The following DNAH14 variants were observed in gnomAD, a reference collection of about 807,000 sequenced individuals.
The protein encoded by DNAH14 is dynein axonemal heavy chain 14, also known as axonemal beta dynein heavy chain 14.
In DNAH14, 478 loss-of-function variants were observed where a neutral mutation model predicts 520.9. The ratio of observed to expected loss-of-function variants is 0.92; its 90% confidence interval spans 0.85 to 0.99. The LOEUF (loss-of-function observed/expected upper bound fraction) is 0.99. DNAH14 is among the 50% of genes least tolerant of loss of function. DNAH14 has a pLI of 0.00. For synonymous variants in DNAH14, 1,581 were observed against 1,757.2 expected (o/e 0.90, Z 2.51); for missense variants, 4,831 against 5,234.5 (o/e 0.92, Z 2.38).
intron 84 of DNAH14, among the ~76,000 whole-genome samples, chr1:225,393,806 CTTTTTTTGTTT>C (rs1043885600): frequency 2.5e-5 from 3 of 120,930 alleles, no homozygotes; most frequent in African/African-American, 8.3e-5. Context: ...AGTGATATAT[CTTTTTTTGTTT>C]TTTTTTTGTT....
chr1:225,029,186 A>G (rs907860623), intron 11 of DNAH14, among the ~76,000 whole-genome samples: 2 of 152,022 alleles, frequency 1.3e-5, no homozygotes, highest in African/African-American at 4.8e-5. Flanking sequence ...ACTATATATT[A>G]TATGATTCCA....
chr1:225,062,061 G>A (rs1166424551), intron 17 of DNAH14, among the ~76,000 whole-genome samples: 1 of 127,666 alleles, frequency 7.8e-6, no homozygotes, highest in African/African-American at 2.6e-5. Flanking sequence ...CAATTTGGGA[G>A]GCCGAGGCGG....
At position 225,147,190 on chromosome 1, in the gene DNAH14, C is replaced by T; in HGVS notation, c.4881C>T (p.Leu1627=). The T allele has an allele frequency of 1.3e-6, 2 of 1,550,838 alleles. No homozygotes were observed. The highest frequency in any genetic ancestry group is 1.7e-6 in the Non-Finnish European group (2 of 1,146,662). Residue 1627 remains leucine (L), a synonymous_variant, in exon 31 of 86, where the codon CTC becomes CTT. Coordinates refer to ENST00000682510, the MANE Select transcript of DNAH14 (RefSeq NM_001367479.1). ...TCAATCTAATTGATTTGGAAGTTCT[C>T]TCTGTCATTGCCTCACAGATCCTAA... The part of the protein sequence containing the change: ...DEFNLIDLEV[L]SVIASQILTI...
chr1:225,189,468 G>A, intron 37 of DNAH14, among the ~76,000 whole-genome samples: 1 of 148,212 alleles, frequency 6.7e-6, no homozygotes, highest in East Asian at 2.0e-4. Flanking sequence ...TTCTTTAAGT[G>A]TTTGGTGGAA....
intron 9 of DNAH14, among the ~76,000 whole-genome samples, chr1:225,005,237 TA>T (rs2064076167): frequency 6.6e-6 from 1 of 152,160 alleles, no homozygotes; most frequent in South Asian, 2.1e-4. Flanking sequence ...GGGTGCTTAA[TA>T]AAAATGTAAA....
In DNAH14 at chr1:225,082,565, T is replaced by C. The variant is rs1427639434; in HGVS notation, c.3153T>C (p.Asp1051=). The C allele has an allele frequency of 3.9e-6, 6 of 1,549,572 alleles. No individual in the cohort carries two copies. The Admixed American group carries it at 1.2e-4, about 31-fold the overall frequency. ...SVLEKGLPKS[D]MVTHLKQVVT... is the part of the protein sequence containing the mutation. ...TATTTATAGGTTTACCTAAAAGCGA[T>C]ATGGTAACACATCTTAAGCAAGTGG... Residue 1051 remains aspartate, a synonymous_variant, in exon 20 of 86, where the codon GAT becomes GAC. Coordinates refer to ENST00000682510, the MANE Select transcript of DNAH14 (RefSeq NM_001367479.1).
intron 27 of DNAH14, among the ~76,000 whole-genome samples, chr1:225,130,441 C>T (rs1227168545): frequency 4.0e-5 from 6 of 151,576 alleles, no homozygotes; most frequent in South Asian, 2.1e-4. Context: ...AATGATAGAC[C>T]GAATTAAGAA....
intron 8 of DNAH14, among the ~76,000 whole-genome samples, chr1:224,978,383 T>A (rs2062016864): frequency 6.6e-6 from 1 of 152,234 alleles, no homozygotes; most frequent in Admixed American, 6.5e-5. Context: ...GAGGACATCA[T>A]GTTAAGTTAA....
chr1:225,359,484 G>A (rs1266003673), intron 74 of DNAH14, among the ~76,000 whole-genome samples: 4 of 151,998 alleles, frequency 2.6e-5, no homozygotes, highest in East Asian at 1.9e-4. Context: ...CTACAGATCC[G>A]AAGTAAAATA....
intron 64 of DNAH14, among the ~76,000 whole-genome samples, chr1:225,327,328 A>G (rs796798458): frequency 6.6e-6 from 1 of 150,692 alleles, no homozygotes; most frequent in Non-Finnish European, 1.5e-5. Context: ...CGGCTAATTT[A>G]TTTTTTTTAT....
intron 21 of DNAH14, among the ~76,000 whole-genome samples, chr1:225,094,656 C>CAAAAAAA (rs760828776): frequency 1.4e-3 from 108 of 77,782 alleles, no homozygotes; most frequent in Non-Finnish European, 2.6e-3. Flanking sequence ...TTCTGCACAG[C>CAAAAAAA]AAAAAAAAAA....
chr1:224,968,713 TA>T, intron 6 of DNAH14, 45 bp from the exon 7 acceptor site: 1 of 1,160,248 alleles, frequency 8.6e-7, no homozygotes, highest in Non-Finnish European at 1.2e-6. Flanking sequence ...AAATGGTACA[TA>T]TTTTTTAAAG....
chr1:225,379,066 T>C (rs1047241062), intron 79 of DNAH14, among the ~76,000 whole-genome samples: 2 of 152,038 alleles, frequency 1.3e-5, no homozygotes, highest in African/African-American at 4.8e-5. Flanking sequence ...CTCTAGTGTT[T>C]AGTGGTTTTG....
intron 27 of DNAH14, among the ~76,000 whole-genome samples, chr1:225,131,571 A>C (rs2078427775): frequency 6.6e-6 from 1 of 152,232 alleles, no homozygotes; most frequent in African/African-American, 2.4e-5. Flanking sequence ...ATAATCCAGA[A>C]TAATCTCTCT....
chr1:224,937,165 C>CT (rs34837648), intron 1 of DNAH14, among the ~76,000 whole-genome samples: 22,934 of 151,882 alleles, frequency 0.15, 3,201 homozygotes, highest in African/African-American at 0.36. Context: ...AATATACCCA[C>CT]TTTGCCACTT....
chr1:225,071,896 A>G (rs946128160), intron 17 of DNAH14, among the ~76,000 whole-genome samples: 5 of 152,296 alleles, frequency 3.3e-5, no homozygotes, highest in East Asian at 1.9e-4. Flanking sequence ...ATCACTTCCC[A>G]CGACATGTGG....
At chr1:225,029,253 G>A (rs2066359204) in intron 11 of DNAH14, among the ~76,000 whole-genome samples, 1 of 151,948 alleles carries the variant, frequency 6.6e-6, no homozygotes, top group African/African-American at 2.4e-5. Context: ...GTCAGTGATT[G>A]CCATGGGCTA....
intron 15 of DNAH14, among the ~76,000 whole-genome samples, chr1:225,045,398 T>C (rs574671806): frequency 8.5e-5 from 13 of 152,222 alleles, no homozygotes; most frequent in Non-Finnish European, 1.6e-4. Flanking sequence ...ATTAGTATAA[T>C]AGTATTAATG....
chr1:224,942,346 A>T (rs1180174229), intron 1 of DNAH14, among the ~76,000 whole-genome samples: 1 of 152,162 alleles, frequency 6.6e-6, no homozygotes, highest in African/African-American at 2.4e-5. Flanking sequence ...ATTTTTGTGC[A>T]TTGATTTTGT....
Sources: gnomAD v4.1 joint callset for allele counts (sites outside exome capture counted in the v4.1 genomes callset) on GRCh38, gnomAD v4.1.1 for gene constraint, MANE v1.5 for transcripts, NCBI Gene and HGNC (gene_info 2026-07-23, HGNC 2026-07-21) for gene names.